The following LY86 variants were observed in gnomAD, a reference collection of about 807,000 sequenced individuals.
LY86 encodes MD-1, RP105-associated.
In LY86, 20 loss-of-function variants were observed where a neutral mutation model predicts 17.3. The ratio of observed to expected loss-of-function variants is 1.15; its 90% CI spans 0.81 to 1.68. The LOEUF (loss-of-function observed/expected upper bound fraction) is 1.68, where lower values mean the gene tolerates loss of function less well. Among genes scored for constraint, LY86 ranks in the 40% most tolerant of loss-of-function variants. LY86 has a pLI of 0.00. For synonymous variants in LY86, 74 were observed against 70.6 expected (o/e 1.05, Z -0.24); for missense variants, 200 against 191.9 (o/e 1.04, Z -0.25).
At chr6:6,653,689 C>T (rs1378325325) in intron 4 of LY86, among the ~76,000 whole-genome samples, 2 of 152,226 alleles carry the variant, frequency 1.3e-5, no homozygotes, top group Non-Finnish European at 2.9e-5. Flanking sequence ...GTGAACTGTG[C>T]TCCCCGGGGT....
intron 1 of LY86, among the ~76,000 whole-genome samples, chr6:6,605,117 TGA>T (rs1203913509): frequency 2.0e-5 from 3 of 151,338 alleles, no homozygotes; most frequent in Non-Finnish European, 2.9e-5. Flanking sequence ...AAGTCAGTTT[TGA>T]GATATAAAAT....
Position 6,654,678 on chromosome 6 carries a change from A to C in LY86, c.*51A>C, listed in dbSNP as rs771422816. 3 of 1,489,124 alleles carry C rather than the reference A, an allele frequency of 2.0e-6. No homozygotes were observed. Among genetic ancestry groups the C allele is most frequent in the Non-Finnish European group, 2.8e-6 (3 of 1,067,524 alleles). The allele number at this position is 1,489,124 out of a possible 1,614,324, so 92.2% of individuals were successfully genotyped here. Reference sequence around the variant, plus strand: ...CCAGCTGCATCTCGTGGGACCTCCAAGCTCCTCTGACTGAACCTACTGTGG... The same window carrying C: ...CCAGCTGCATCTCGTGGGACCTCCACGCTCCTCTGACTGAACCTACTGTGG... On this transcript the variant is annotated 3_prime_UTR_variant, in exon 5 of 5. Coordinates refer to ENST00000230568, the MANE Select transcript of LY86 (RefSeq NM_004271.4).
At chr6:6,609,508 T>G (rs1761278927) in intron 1 of LY86, among the ~76,000 whole-genome samples, 1 of 152,132 alleles carries the variant, frequency 6.6e-6, no homozygotes, top group African/African-American at 2.4e-5. Context: ...TTACACACTT[T>G]CTCTTCCTTC....
chr6:6,653,359 T>C lies in LY86; in HGVS notation c.406-1185T>C, dbSNP rs1479010198. 2.0e-5 allele frequency among the ~76,000 whole-genome samples: 3 copies of C among 152,270 alleles called. No individual in the cohort carries two copies. In the East Asian group the frequency reaches 5.8e-4, roughly 29 times the overall value. ...CTTTGGGTGACAGGCAGTTCAAAGA[T>C]GTGCCAGCAGTCTCCTGGCCTCCTC... On this transcript the variant is annotated intron_variant, in intron 4 of 4. Coordinates refer to ENST00000230568, the MANE Select transcript of LY86 (RefSeq NM_004271.4).
intron 3 of LY86, among the ~76,000 whole-genome samples, chr6:6,633,930 T>C (rs1247852857): frequency 6.6e-6 from 1 of 152,122 alleles, no homozygotes; most frequent in Non-Finnish European, 1.5e-5. Flanking sequence ...ACTGAGTGTA[T>C]ATGATTATGA....
intron 3 of LY86, among the ~76,000 whole-genome samples, chr6:6,648,174 C>T (rs1008479599): frequency 9.9e-5 from 15 of 152,130 alleles, no homozygotes; most frequent in African/African-American, 2.9e-4. Flanking sequence ...CCACCACCAC[C>T]ACCCTTCACC....
At chr6:6,620,202 G>GTA (rs1331232093) in intron 1 of LY86, among the ~76,000 whole-genome samples, 5 of 152,200 alleles carry the variant, frequency 3.3e-5, no homozygotes, top group Non-Finnish European at 7.3e-5. Context: ...TTTGTGGATT[G>GTA]TATCAGTGTC....
intron 1 of LY86, among the ~76,000 whole-genome samples, 200 bp downstream of exon 1, chr6:6,589,070 G>A (rs917359924): frequency 6.6e-6 from 1 of 152,220 alleles, no homozygotes; most frequent in Non-Finnish European, 1.5e-5. Flanking sequence ...GGGAGCGGAA[G>A]AGAATGGCAG....
At chr6:6,647,963 TCACATA>T (rs1431597475) in intron 3 of LY86, among the ~76,000 whole-genome samples, 1 of 127,888 alleles carries the variant, frequency 7.8e-6, no homozygotes, top group Non-Finnish European at 1.6e-5. Context: ...TCTTCAATCA[TCACATA>T]CACACACACA....
chr6:6,647,862 T>C lies in LY86; in HGVS notation c.353-1763T>C, dbSNP rs550491151. 2.6e-5 allele frequency among the ~76,000 whole-genome samples: 4 copies of C among 152,238 alleles called. No homozygotes were observed. The South Asian group carries it at 6.2e-4, about 24-fold the overall frequency. ...CACATGTTAATAACTCTGATATTCA[T>C]AGCTCCATTCTTACCTTTTCCCTAA... On this transcript the variant is annotated intron_variant, in intron 3 of 4. Coordinates refer to ENST00000230568, the MANE Select transcript of LY86 (RefSeq NM_004271.4).
chr6:6,637,954 A>C (rs1051003888), intron 3 of LY86, among the ~76,000 whole-genome samples: 29 of 152,244 alleles, frequency 1.9e-4, no homozygotes, highest in African/African-American at 5.5e-4. Context: ...GGAACAAAAA[A>C]ACTTAAATTC....
At chr6:6,594,203 G>A (rs1760628619) in intron 1 of LY86, among the ~76,000 whole-genome samples, 1 of 152,224 alleles carries the variant, frequency 6.6e-6, no homozygotes, top group Non-Finnish European at 1.5e-5. Flanking sequence ...CCTGGACAGA[G>A]AAGTGGCTCC....
intron 3 of LY86, among the ~76,000 whole-genome samples, chr6:6,637,004 GT>G (rs34996349): frequency 1.7e-3 from 190 of 109,842 alleles, no homozygotes; most frequent in Middle Eastern, 4.8e-3. Context: ...AAGCATATTG[GT>G]TTTTTTTTTT....
chr6:6,606,995 G>A (rs1464366682), intron 1 of LY86, among the ~76,000 whole-genome samples: 3 of 152,262 alleles, frequency 2.0e-5, no homozygotes, highest in African/African-American at 4.8e-5. Flanking sequence ...TCTCACTACC[G>A]CTTAGAAGCA....
At chr6:6,597,471 C>T (rs946905337) in intron 1 of LY86, among the ~76,000 whole-genome samples, 1 of 152,170 alleles carries the variant, frequency 6.6e-6, no homozygotes, top group African/African-American at 2.4e-5. Flanking sequence ...GACCCATCCG[C>T]GACCTGTGTA....
chr6:6,643,750 G>T (rs987689125), intron 3 of LY86, among the ~76,000 whole-genome samples: 1 of 152,100 alleles, frequency 6.6e-6, no homozygotes, highest in Non-Finnish European at 1.5e-5. Flanking sequence ...GAACACACAC[G>T]TGCAGGCACA....
chr6:6,616,012 T>C (rs1447619210), intron 1 of LY86, among the ~76,000 whole-genome samples: 4 of 152,238 alleles, frequency 2.6e-5, no homozygotes, highest in Non-Finnish European at 4.4e-5. Flanking sequence ...ATCTTCTTTC[T>C]AATAGACTCC....
At position 6,642,877 on chromosome 6, in the gene LY86, C is replaced by T. The variant is rs373777500; in HGVS notation, c.353-6748C>T. On this transcript the variant is annotated intron_variant, in intron 3 of 4. Coordinates refer to ENST00000230568, the MANE Select transcript of LY86 (RefSeq NM_004271.4). ...ATGCACTCCCTCCCTCCTCCTCCTC[C>T]GGAGACGATGCTCTTGGTTGGTCTG... is the stretch of plus-strand genomic sequence containing the variant. Among the ~76,000 whole-genome samples, 24 of 152,344 alleles carry T rather than the reference C, an allele frequency of 1.6e-4. No individual in the cohort carries two copies. In the East Asian group the frequency reaches 2.7e-3, roughly 17 times the overall value.
At chr6:6,654,358 A>T (rs1320168309) in intron 4 of LY86, among the ~76,000 whole-genome samples, 186 bp from the exon 5 acceptor site, 1 of 152,210 alleles carries the variant, frequency 6.6e-6, no homozygotes, top group Admixed American at 6.5e-5. Flanking sequence ...CACATATCAT[A>T]AGGGTGGTCT....
Sources: allele counts gnomAD v4.1 joint callset (sites outside exome capture counted in the v4.1 genomes callset), GRCh38; gene constraint gnomAD v4.1.1; transcripts MANE v1.5; gene names NCBI Gene and HGNC (gene_info 2026-07-23, HGNC 2026-07-21).